Variants in EYA2 observed in about 807,000 individuals in gnomAD.
The protein encoded by EYA2 is protein phosphatase EYA2.
Under a neutral mutation model 69.2 loss-of-function variants are expected in EYA2, and 31 were observed. That is an observed-to-expected ratio of 0.45 (90% CI 0.34 to 0.60). EYA2 has a LOEUF of 0.60. Ranked by LOEUF, EYA2 falls within the 20% of genes least tolerant of loss-of-function variation. The pLI, the probability that EYA2 is intolerant of heterozygous loss-of-function variation, is 0.02. For synonymous variants in EYA2, 257 were observed against 279.4 expected (o/e 0.92, Z 0.80); for missense variants, 622 against 701.2 (o/e 0.89, Z 1.28).
At chr20:47,025,747 C>T (rs1226415470) in intron 5 of EYA2, among the ~76,000 whole-genome samples, 1 of 152,200 alleles carries the variant, frequency 6.6e-6, no homozygotes, top group Non-Finnish European at 1.5e-5. Context: ...CTTCAAGTTA[C>T]CCTCCATAGG....
chr20:46,958,011 T>C (rs1979240710), intron 1 of EYA2, among the ~76,000 whole-genome samples: 2 of 152,180 alleles, frequency 1.3e-5, no homozygotes, highest in Admixed American at 1.3e-4. Context: ...CTGGAAGACT[T>C]GCTGGCCTCT....
chr20:47,048,748 A>G (rs1343544610), intron 5 of EYA2, among the ~76,000 whole-genome samples: 3 of 152,176 alleles, frequency 2.0e-5, no homozygotes, highest in Non-Finnish European at 4.4e-5. Context: ...AAGAAAATAA[A>G]TAATAAAATA....
intron 9 of EYA2, among the ~76,000 whole-genome samples, chr20:47,112,461 T>A (rs1277039152): frequency 1.3e-5 from 2 of 152,206 alleles, no homozygotes; most frequent in Non-Finnish European, 2.9e-5. Flanking sequence ...CTATTAAAAA[T>A]TAAATGATTT....
At chr20:46,939,234 T>C (rs1986050422) in intron 1 of EYA2, among the ~76,000 whole-genome samples, 1 of 152,128 alleles carries the variant, frequency 6.6e-6, no homozygotes, top group Non-Finnish European at 1.5e-5. Flanking sequence ...AATTCCTGAA[T>C]TTTAGCTGGG....
intron 9 of EYA2, 80 bp downstream of exon 9, chr20:47,097,248 G>A (rs1041428967): frequency 1.4e-5 from 16 of 1,185,090 alleles, no homozygotes; most frequent in Admixed American, 2.0e-5. Context: ...GAAATTGTGC[G>A]GACAGTTTAT....
intron 1 of EYA2, chr20:46,978,093 G>A (rs191296784): frequency 8.9e-4 from 140 of 157,490 alleles, no homozygotes; most frequent in Middle Eastern, 3.3e-3. Flanking sequence ...TGTGCAGCAG[G>A]AGAGAACGTC....
intron 10 of EYA2, among the ~76,000 whole-genome samples, chr20:47,144,934 T>C (rs906099249): frequency 6.6e-6 from 1 of 152,198 alleles, no homozygotes; most frequent in African/African-American, 2.4e-5. Flanking sequence ...TGGAGCCTAA[T>C]GCGGTAAAGA....
intron 7 of EYA2, among the ~76,000 whole-genome samples, chr20:47,078,884 T>C (rs2031619588): frequency 6.6e-6 from 1 of 152,230 alleles, no homozygotes; most frequent in African/African-American, 2.4e-5. Context: ...AAATTTAAAA[T>C]GCATAGACCT....
chr20:46,943,207 G>A (rs1202481058), intron 1 of EYA2, among the ~76,000 whole-genome samples: 1 of 152,194 alleles, frequency 6.6e-6, no homozygotes, highest in Non-Finnish European at 1.5e-5. Flanking sequence ...GTGGGTAGAG[G>A]TCAGGGTTGC....
chr20:47,176,718 T>C (rs1353864096), intron 12 of EYA2, among the ~76,000 whole-genome samples: 2 of 151,724 alleles, frequency 1.3e-5, no homozygotes, highest in East Asian at 1.9e-4. Context: ...TTTTTTCTTA[T>C]ATACAAAAGC....
At chr20:47,117,289 C>T in intron 9 of EYA2, 2 of 827,338 alleles carry the variant, frequency 2.4e-6, no homozygotes, top group Non-Finnish European at 2.9e-6. Flanking sequence ...GGGTTACAGG[C>T]ATGAGCCACC....
At chr20:47,066,989 G>A (rs557455653) in intron 5 of EYA2, among the ~76,000 whole-genome samples, 3 of 152,288 alleles carry the variant, frequency 2.0e-5, no homozygotes, top group Non-Finnish European at 4.4e-5. Flanking sequence ...CCTTCTTCCT[G>A]GGTCCTCTCT....
chr20:47,169,059 T>G, intron 10 of EYA2, 80 bp from the exon 11 acceptor site: 5 of 1,382,910 alleles, frequency 3.6e-6, no homozygotes, highest in Non-Finnish European at 5.1e-6. Context: ...CCTCAGCTTA[T>G]GAGGCCAACC....
chr20:46,989,645 C>T (rs1981522841), intron 1 of EYA2, among the ~76,000 whole-genome samples: 1 of 152,194 alleles, frequency 6.6e-6, no homozygotes, highest in African/African-American at 2.4e-5. Context: ...CCAAACGCTC[C>T]CTCTCTGCCT....
At chr20:47,043,246 T>C (rs1231930596) in intron 5 of EYA2, among the ~76,000 whole-genome samples, 1 of 152,222 alleles carries the variant, frequency 6.6e-6, no homozygotes, top group Non-Finnish European at 1.5e-5. Flanking sequence ...GGCAAACTTA[T>C]TCCAGGGGAA....
chr20:47,026,925 T>C (rs551246886), intron 5 of EYA2, among the ~76,000 whole-genome samples: 1 of 152,248 alleles, frequency 6.6e-6, no homozygotes, highest in Non-Finnish European at 1.5e-5. Flanking sequence ...ACAATTGATA[T>C]ACACTCTCTT....
intron 5 of EYA2, among the ~76,000 whole-genome samples, chr20:47,034,904 T>C (rs963215374): frequency 1.3e-5 from 2 of 152,202 alleles, no homozygotes; most frequent in African/African-American, 4.8e-5. Flanking sequence ...CACACCAATC[T>C]CTGCCCCCAT....
At chr20:47,098,921 G>T (rs966082872) in intron 9 of EYA2, among the ~76,000 whole-genome samples, 22 of 152,160 alleles carry the variant, frequency 1.4e-4, no homozygotes, top group Non-Finnish European at 3.1e-4. Context: ...ACCCTGAGTT[G>T]TTTTTGGTCC....
intron 7 of EYA2, among the ~76,000 whole-genome samples, chr20:47,084,316 A>C (rs147656607): frequency 2.6e-3 from 396 of 152,300 alleles, no homozygotes; most frequent in Non-Finnish European, 4.6e-3. Flanking sequence ...CAAGGACGGC[A>C]GATTGCTTGA....
Sources: gnomAD v4.1 joint callset for allele counts (sites outside exome capture counted in the v4.1 genomes callset) on GRCh38, gnomAD v4.1.1 for gene constraint, MANE v1.5 for transcripts, NCBI Gene and HGNC (gene_info 2026-07-23, HGNC 2026-07-21) for gene names.